The following RBPJ variants were observed in gnomAD, a reference collection of about 807,000 sequenced individuals.
RBPJ encodes the protein recombination signal binding protein for immunoglobulin kappa J region, also known as recombining binding protein suppressor of hairless.
Under a neutral mutation model 67.8 loss-of-function variants are expected in RBPJ, and 9 were observed. That is an observed-to-expected ratio of 0.13 (90% CI 0.08 to 0.23). The LOEUF (loss-of-function observed/expected upper bound fraction) is 0.23, where lower values mean the gene tolerates loss of function less well. Among genes scored for constraint, RBPJ ranks in the 10% least tolerant of loss-of-function variants. The probability of loss-of-function intolerance (pLI) is 1.00; values close to 1 mark genes in which losing one functional copy is unlikely to be tolerated. For synonymous variants in RBPJ, 198 were observed against 203.3 expected, an observed-to-expected ratio of 0.97 and a Z score of 0.22; for missense variants, 305 against 595.6, an observed-to-expected ratio of 0.51 and a Z score of 5.08.
At chr4:26,363,422 G>T (rs1728283932) in intron 1 of RBPJ, among the ~76,000 whole-genome samples, 1 of 152,040 alleles carries the variant, frequency 6.6e-6, no homozygotes, top group Admixed American at 6.6e-5. Context: ...ACAGGCGTGA[G>T]CCACTGTGCC....
At chr4:26,300,924 G>A (rs1722054195) in intron 1 of RBPJ, among the ~76,000 whole-genome samples, 1 of 152,148 alleles carries the variant, frequency 6.6e-6, no homozygotes, top group Non-Finnish European at 1.5e-5. Context: ...AGAAACAAAT[G>A]AACTACCTGA....
intron 1 of RBPJ, among the ~76,000 whole-genome samples, chr4:26,254,843 ATTTTTTTTTTTTTTTTT>A (rs71643604): frequency 8.5e-4 from 14 of 16,546 alleles, no homozygotes; most frequent in Middle Eastern, 0.042. Flanking sequence ...ATGCCCAGCT[ATTTTTTTTTTTTTTTTT>A]TTTTTTTTTT....
the RBPJ span, among the ~76,000 whole-genome samples, chr4:26,109,481 TATATATATATACACACACAC>T: frequency 1.9e-4 from 10 of 52,614 alleles, no homozygotes; most frequent in Non-Finnish European, 2.6e-4. Context: ...TATATATATA[TATATATATATACACACACAC>T]ATATATATAT....
intron 1 of RBPJ, among the ~76,000 whole-genome samples, chr4:26,220,949 T>A (rs1327996572): frequency 6.6e-6 from 1 of 152,252 alleles, no homozygotes; most frequent in Non-Finnish European, 1.5e-5. Flanking sequence ...TAGCATCTAC[T>A]GATTGCATCA....
At chr4:26,260,015 C>G (rs1255800205) in intron 1 of RBPJ, among the ~76,000 whole-genome samples, 2 of 152,172 alleles carry the variant, frequency 1.3e-5, no homozygotes, top group Non-Finnish European at 2.9e-5. Flanking sequence ...CCTTTTCAAA[C>G]TAATATATTA....
chr4:26,133,410 TA>T, the RBPJ span, among the ~76,000 whole-genome samples: 1 of 152,134 alleles, frequency 6.6e-6, no homozygotes, highest in Non-Finnish European at 1.5e-5. Context: ...TCATCTCTAC[TA>T]AAAAACAAAC....
rs11479029 is a variant in RBPJ at position 26,411,577 on chromosome 4, CTTTTT to C, written c.156-3890_156-3886del. 8.8e-5 allele frequency among the ~76,000 whole-genome samples: 13 copies of C among 148,482 alleles called. No individual in the cohort carries two copies. In the South Asian group the frequency reaches 2.8e-3, roughly 32 times the overall value. ...GCTTTTTGAAATAATTTAGAGTTGA[CTTTTT>C]TTTTTTTAAAGACTCAGACTATTGA... On this transcript the variant is annotated intron_variant, in intron 3 of 10. Coordinates refer to ENST00000355476, the MANE Select transcript of RBPJ (RefSeq NM_015874.6).
intron 1 of RBPJ, among the ~76,000 whole-genome samples, chr4:26,266,409 G>A (rs1424656657): frequency 2.0e-5 from 3 of 152,178 alleles, no homozygotes; most frequent in Non-Finnish European, 2.9e-5. Context: ...TGCTAGGTTT[G>A]ATGAATAAGT....
intron 1 of RBPJ, among the ~76,000 whole-genome samples, chr4:26,192,601 A>G (rs568291177): frequency 6.6e-6 from 1 of 152,320 alleles, no homozygotes; most frequent in South Asian, 2.1e-4. Flanking sequence ...TCTCAACTCT[A>G]TGAGGTGGGT....
intron 3 of RBPJ, among the ~76,000 whole-genome samples, chr4:26,414,940 A>G (rs1734415141): frequency 6.6e-6 from 1 of 152,138 alleles, no homozygotes; most frequent in Non-Finnish European, 1.5e-5. Flanking sequence ...AGATCCATGT[A>G]TTTTTGGCTC....
At chr4:26,408,061 G>A (rs1733640884) in intron 3 of RBPJ, among the ~76,000 whole-genome samples, 1 of 151,612 alleles carries the variant, frequency 6.6e-6, no homozygotes, top group Non-Finnish European at 1.5e-5. Flanking sequence ...TTTTTATAGA[G>A]ACGGGGTTTC....
At chr4:26,215,005 AAGGAAGG>A (rs1718630250) in intron 1 of RBPJ, among the ~76,000 whole-genome samples, 1 of 65,892 alleles carries the variant, frequency 1.5e-5, no homozygotes. Flanking sequence ...GGAGGGAAGG[AAGGAAGG>A]AGAGAAAGAA....
intron 1 of RBPJ, among the ~76,000 whole-genome samples, chr4:26,336,134 C>G (rs927185621): frequency 6.6e-6 from 1 of 152,100 alleles, no homozygotes; most frequent in African/African-American, 2.4e-5. Flanking sequence ...TATCATCAGA[C>G]AAATACATAT....
intron 1 of RBPJ, among the ~76,000 whole-genome samples, chr4:26,312,926 G>T (rs549417797): frequency 6.6e-6 from 1 of 152,244 alleles, no homozygotes; most frequent in African/African-American, 2.4e-5. Flanking sequence ...CTTTTTCTCT[G>T]TGTGTATGAC....
intron 1 of RBPJ, among the ~76,000 whole-genome samples, chr4:26,366,287 G>T (rs11730468): frequency 6.8e-6 from 1 of 146,436 alleles, no homozygotes; most frequent in Non-Finnish European, 1.6e-5. Context: ...TTTTTGTTTT[G>T]TTTTGTTTTG....
intron 1 of RBPJ, among the ~76,000 whole-genome samples, chr4:26,184,788 T>C (rs1320722478): frequency 6.6e-6 from 1 of 152,154 alleles, no homozygotes; most frequent in Non-Finnish European, 1.5e-5. Context: ...GAAGTATAGT[T>C]TGTCGGAAGG....
At chr4:26,406,505 A>G (rs1733425479) in intron 3 of RBPJ, among the ~76,000 whole-genome samples, 1 of 152,244 alleles carries the variant, frequency 6.6e-6, no homozygotes, top group Non-Finnish European at 1.5e-5. Context: ...AGGACCTCTC[A>G]GCAAGGCAGT....
chr4:26,390,682 A>T (rs993887079), intron 2 of RBPJ, among the ~76,000 whole-genome samples: 3 of 152,142 alleles, frequency 2.0e-5, no homozygotes, highest in Non-Finnish European at 2.9e-5. Context: ...AGGTGCAAAA[A>T]CTCTACACTG....
chr4:26,105,602 T>G, the RBPJ span, among the ~76,000 whole-genome samples: 1 of 152,174 alleles, frequency 6.6e-6, no homozygotes. Flanking sequence ...TATTTCCTGT[T>G]TCCAGTGGAA....
Sources: allele counts gnomAD v4.1 joint callset (sites outside exome capture counted in the v4.1 genomes callset), GRCh38; gene constraint gnomAD v4.1.1; transcripts MANE v1.5; gene names NCBI Gene and HGNC (gene_info 2026-07-23, HGNC 2026-07-21).